Variants in COL27A1 observed in about 807,000 individuals in gnomAD.
The protein encoded by COL27A1 is collagen alpha-1(XXVII) chain.
In COL27A1, 106 loss-of-function variants were observed where a neutral mutation model predicts 251.3. The ratio of observed to expected loss-of-function variants is 0.42; its 90% CI spans 0.36 to 0.50. The LOEUF is 0.50. Among genes scored for constraint, COL27A1 ranks in the 20% least tolerant of loss-of-function variants. The pLI is 0.00. For missense variants in COL27A1, 2,325 were observed against 2,522.8 expected (o/e 0.92, Z 1.68); for synonymous variants, 1,000 against 986.3 (o/e 1.01, Z -0.26).
At chr9:114,158,086 C>T (rs1162325568) in intron 1 of COL27A1, among the ~76,000 whole-genome samples, 1 of 152,192 alleles carries the variant, frequency 6.6e-6, no homozygotes, top group African/African-American at 2.4e-5. Context: ...CCAGGCATAG[C>T]CGTCTGGGCA....
At chr9:114,163,141 G>A (rs112499797) in intron 2 of COL27A1, among the ~76,000 whole-genome samples, 2 of 152,202 alleles carry the variant, frequency 1.3e-5, no homozygotes, top group African/African-American at 4.8e-5. Flanking sequence ...GGCTGAGGCA[G>A]GAGAATCGCT....
intron 3 of COL27A1, among the ~76,000 whole-genome samples, chr9:114,175,954 A>T (rs1202911404): frequency 6.6e-6 from 1 of 152,116 alleles, no homozygotes; most frequent in African/African-American, 2.4e-5. Context: ...AGTTTCCAGG[A>T]TCTTCATTTC....
intron 1 of COL27A1, among the ~76,000 whole-genome samples, chr9:114,156,344 G>C (rs1388077465): frequency 2.6e-5 from 4 of 151,678 alleles, no homozygotes; most frequent in African/African-American, 4.8e-5. Flanking sequence ...GGATGCTTGG[G>C]GGAGGAGGGG....
intron 28 of COL27A1, among the ~76,000 whole-genome samples, chr9:114,260,926 A>G (rs1291866160): frequency 6.6e-6 from 1 of 151,922 alleles, no homozygotes; most frequent in Non-Finnish European, 1.5e-5. Flanking sequence ...CCTCGGGCCA[A>G]CTCTTCCCCT....
At chr9:114,304,348 A>G (rs2131677086) in intron 56 of COL27A1, among the ~76,000 whole-genome samples, 1 of 152,352 alleles carries the variant, frequency 6.6e-6, no homozygotes, top group Non-Finnish European at 1.5e-5. Context: ...TCAAGACCAC[A>G]GTGTTCAAAC....
chr9:114,168,097 T>G lies in COL27A1; in HGVS notation c.542T>G (p.Val181Gly). The G allele has an allele frequency of 1.2e-6, 2 of 1,611,880 alleles. No individual in the cohort carries two copies. Among genetic ancestry groups the G allele is most frequent in the Non-Finnish European group, 1.7e-6 (2 of 1,180,004 alleles). ...GCCTGCGGGCAGCGCCGGGTGCCTG[T>G]CCTGCTGCCTTTCCACAGGGACCCT... ...VTACGQRRVP[V>G]LLPFHRDPAL... is the part of the protein sequence containing the mutation. Residue 181 changes from valine (V) to glycine (G), a missense_variant, in exon 3 of 61, where the codon GTC becomes GGC. Physicochemically the swap from Val to Gly is moderately radical, Grantham distance 109. This residue lies in a region of COL27A1 where 1,183 missense variants were observed against 1,144.1 expected (regional missense o/e 1.03). Transcript: ENST00000356083.
intron 12 of COL27A1, among the ~76,000 whole-genome samples, chr9:114,218,951 G>GTT (rs10710008): frequency 5.4e-5 from 8 of 147,804 alleles, no homozygotes; most frequent in African/African-American, 2.0e-4. Context: ...CATGTGCTTT[G>GTT]TTTTTTTTTT....
intron 14 of COL27A1, among the ~76,000 whole-genome samples, chr9:114,225,875 A>G (rs1831436475): frequency 6.6e-6 from 1 of 152,144 alleles, no homozygotes; most frequent in Non-Finnish European, 1.5e-5. Context: ...TCTGTCTGCT[A>G]TGTGTGCAAC....
chr9:114,255,905 G>T (rs949943719), intron 27 of COL27A1, among the ~76,000 whole-genome samples: 2 of 152,132 alleles, frequency 1.3e-5, no homozygotes, highest in African/African-American at 4.8e-5. Context: ...TAGCTTCTCC[G>T]ACCCTCAGTT....
intron 60 of COL27A1, 75 bp from the exon 61 acceptor site, chr9:114,310,474 T>C: frequency 6.5e-7 from 1 of 1,539,254 alleles, no homozygotes; most frequent in Non-Finnish European, 9.0e-7. Flanking sequence ...TGAGGAAAGA[T>C]GGAAGGGAAA....
chr9:114,197,969 G>A (rs747644297), intron 7 of COL27A1, among the ~76,000 whole-genome samples: 1 of 152,212 alleles, frequency 6.6e-6, no homozygotes, highest in South Asian at 2.1e-4. Flanking sequence ...ATGTGCCTGG[G>A]GCCACCATTG....
Position 114,310,670 on chromosome 9 carries a change from A to C in COL27A1, c.5558A>C (p.Glu1853Ala). 1 of 1,614,098 alleles carries C rather than the reference A, an allele frequency of 6.2e-7. No homozygotes were observed. Among genetic ancestry groups the C allele is most frequent in the Non-Finnish European group, 8.5e-7 (1 of 1,180,010 alleles). Reference protein sequence around the residue: ...PASSGKQYRLEVGPACFL With the variant: ...PASSGKQYRLAVGPACFL ...TCATCAGGGAAGCAGTACCGCCTGG[A>C]AGTTGGACCTGCGTGCTTCCTCTGA... The change falls in exon 61 of 61, where the codon GAA (glutamate) becomes GCA (alanine). Residue 1853 changes from glutamate (E) to alanine (A), a missense_variant. This residue lies in a region of COL27A1 where 327 missense variants were observed against 442.8 expected (regional missense o/e 0.74). Coordinates refer to ENST00000356083, the MANE Select transcript of COL27A1 (RefSeq NM_032888.4).
In COL27A1 at chr9:114,290,988, A is replaced by G; in HGVS notation, c.4476+71A>G. 1 of 1,170,608 alleles carries G rather than the reference A, an allele frequency of 8.5e-7. No homozygotes were observed. Among genetic ancestry groups the G allele is most frequent in the South Asian group, 1.5e-5 (1 of 68,164 alleles). The allele number at this position is 1,170,608 out of a possible 1,614,324, so 72.5% of individuals were successfully genotyped here. On this transcript the variant is annotated intron_variant, in intron 48 of 60. Coordinates refer to ENST00000356083, the MANE Select transcript of COL27A1 (RefSeq NM_032888.4). This position sits in a 1 kb window ranked among gnomAD's most constrained non-coding sequence, Gnocchi z 4.6. ...CTTGATGCAGACTCTAGTGGTTCCGACCCTTTGGGCACCCATGTCCCAGGG... is the reference window on the plus strand; with the variant it reads ...CTTGATGCAGACTCTAGTGGTTCCGGCCCTTTGGGCACCCATGTCCCAGGG...
In COL27A1 at chr9:114,167,867, C is replaced by A; in HGVS notation, c.312C>A (p.Leu104=). The change falls in exon 3 of 61, where the codon CTC becomes CTA. Residue 104 remains leucine (L), a synonymous_variant. Coordinates refer to ENST00000356083, the MANE Select transcript of COL27A1 (RefSeq NM_032888.4). The stretch of plus-strand genomic sequence containing the variant: ...CAGAGCTGGCACTGGTGCTGAGCCT[C>A]TGCTCCCACCGGGTGAACCATGCCT... ...LGTELALVLS[L]CSHRVNHAFL... The A allele has an allele frequency of 6.2e-7, 1 of 1,613,596 alleles. No individual in the cohort carries two copies. Among genetic ancestry groups the A allele is most frequent in the African/African-American group, 1.3e-5 (1 of 75,070 alleles).
At chr9:114,205,686 C>G in intron 8 of COL27A1, 73 bp from the exon 9 acceptor site, 1 of 1,358,758 alleles carries the variant, frequency 7.4e-7, no homozygotes, top group Non-Finnish European at 1.1e-6. Context: ...CAGCCCCAGT[C>G]TCCCAGGGTC....
At chr9:114,165,353 A>G (rs983449297) in intron 2 of COL27A1, among the ~76,000 whole-genome samples, 1 of 151,838 alleles carries the variant, frequency 6.6e-6, no homozygotes, top group Non-Finnish European at 1.5e-5. Flanking sequence ...TCATCCATCC[A>G]TCCATCCATC....
Position 114,209,667 on chromosome 9 carries a change from T to C in COL27A1, c.2269-8T>C, listed in dbSNP as rs770774660. The C allele has an allele frequency of 1.2e-5, 19 of 1,614,006 alleles. No homozygotes were observed. In the South Asian group the frequency reaches 1.8e-4, roughly 15 times the overall value. On this transcript the variant is annotated splice_region_variant and splice_polypyrimidine_tract_variant and intron_variant, in intron 10 of 60. Transcript: ENST00000356083. The stretch of plus-strand genomic sequence containing the variant: ...GACCGCTCTGACCCCCTTTCTTCTC[T>C]TTCCTAGGGCTACATTGGGCTCCCA...
chr9:114,187,846 T>C (rs1444931026), intron 5 of COL27A1, among the ~76,000 whole-genome samples: 5 of 152,252 alleles, frequency 3.3e-5, no homozygotes, highest in Admixed American at 3.3e-4. Flanking sequence ...ATACAAATAT[T>C]ATCTTGATTA....
chr9:114,164,530 G>T (rs1479273153), intron 2 of COL27A1, among the ~76,000 whole-genome samples: 1 of 152,186 alleles, frequency 6.6e-6, no homozygotes, highest in Admixed American at 6.5e-5. Flanking sequence ...GGCCCAGCCA[G>T]TTGTGACTCT....
Sources: gnomAD v4.1 joint callset for allele counts (sites outside exome capture counted in the v4.1 genomes callset) on GRCh38, gnomAD v4.1.1 for gene constraint, gnomAD v4.1.1 regional missense constraint, Gnocchi (gnomAD v3.1) non-coding constraint, MANE v1.5 for transcripts, NCBI Gene and HGNC (gene_info 2026-07-23, HGNC 2026-07-21) for gene names.